The following NFKB1 variants were observed in gnomAD, a reference collection of about 807,000 sequenced individuals.
NFKB1 encodes nuclear factor kappa B subunit 1.
In NFKB1, 9 loss-of-function variants were observed where a neutral mutation model predicts 105.1. The ratio of observed to expected loss-of-function variants is 0.09; its 90% CI spans 0.05 to 0.15. NFKB1 has a LOEUF of 0.15. Among genes scored for constraint, NFKB1 ranks in the 10% least tolerant of loss-of-function variants. NFKB1 has a pLI of 1.00. For synonymous variants in NFKB1, 440 were observed against 442.2 expected, an observed-to-expected ratio of 1.00 and a Z score of 0.06; for missense variants, 830 against 1,203.7, an observed-to-expected ratio of 0.69 and a Z score of 4.59.
At chr4:102,587,395 T>C (rs1016039253) in intron 11 of NFKB1, among the ~76,000 whole-genome samples, 2 of 152,062 alleles carry the variant, frequency 1.3e-5, no homozygotes, top group African/African-American at 4.8e-5. Flanking sequence ...CAGAGAATCA[T>C]GAAGAAAGAA....
intron 1 of NFKB1, among the ~76,000 whole-genome samples, chr4:102,513,900 G>A (rs1030011539): frequency 8.5e-5 from 13 of 152,148 alleles, no homozygotes; most frequent in African/African-American, 2.9e-4. Context: ...TGGGCCGGGC[G>A]CGGTGGCTCA....
chr4:102,599,287 T>C (rs1457963299), intron 15 of NFKB1, among the ~76,000 whole-genome samples: 1 of 152,168 alleles, frequency 6.6e-6, no homozygotes, highest in Non-Finnish European at 1.5e-5. Context: ...GTATCACATT[T>C]CAAGAAGCAA....
chr4:102,525,445 A>G (rs779148585), intron 1 of NFKB1, 67 bp from the exon 2 acceptor site: 14 of 1,474,130 alleles, frequency 9.5e-6, no homozygotes, highest in Non-Finnish European at 1.2e-5. Flanking sequence ...CATGAATTCC[A>G]TGGTGATAGA....
chr4:102,573,397 A>G (rs1016968600), intron 6 of NFKB1, among the ~76,000 whole-genome samples: 6 of 152,208 alleles, frequency 3.9e-5, no homozygotes, highest in Non-Finnish European at 8.8e-5. Context: ...CTTGTTTCCA[A>G]GAAGTCACCT....
At chr4:102,603,795 G>T (rs552185869) in intron 16 of NFKB1, among the ~76,000 whole-genome samples, 2 of 152,156 alleles carry the variant, frequency 1.3e-5, no homozygotes, top group Non-Finnish European at 2.9e-5. Flanking sequence ...GTACATTTCT[G>T]TGACCATCTG....
At chr4:102,579,087 GC>G (rs777077883) in intron 8 of NFKB1, 48 bp downstream of exon 8, 345 of 1,570,220 alleles carry the variant, frequency 2.2e-4, no homozygotes, top group Non-Finnish European at 2.8e-4. Context: ...TAGACTTCCA[GC>G]CCTGCCCTGC....
intron 6 of NFKB1, among the ~76,000 whole-genome samples, chr4:102,572,767 T>C (rs1724490199): frequency 6.6e-6 from 1 of 152,240 alleles, no homozygotes. Flanking sequence ...AACAGTCACT[T>C]ATCTTTTAAA....
chr4:102,541,444 G>A (rs1300922259), intron 5 of NFKB1, among the ~76,000 whole-genome samples: 21 of 152,204 alleles, frequency 1.4e-4, no homozygotes, highest in Admixed American at 1.4e-3. Flanking sequence ...CAGAGTTAGT[G>A]TACCTGGATA....
intron 6 of NFKB1, among the ~76,000 whole-genome samples, chr4:102,570,988 A>G (rs528097211): frequency 6.6e-6 from 1 of 152,302 alleles, no homozygotes; most frequent in Admixed American, 6.5e-5. Flanking sequence ...AACTACTTTC[A>G]AGTTCATATG....
At chr4:102,595,007 C>G (rs1369843490) in intron 13 of NFKB1, 26 bp downstream of exon 13, 1 of 1,466,820 alleles carries the variant, frequency 6.8e-7, no homozygotes, top group Admixed American at 1.7e-5. Flanking sequence ...TTCTTAATAC[C>G]AAGAAAGGAA....
In NFKB1 at chr4:102,596,344, C is replaced by A; in HGVS notation, c.1495+12C>A. 6.3e-7 allele frequency: 1 copy of A among 1,585,474 alleles called. No homozygotes were observed. On this transcript the variant is annotated intron_variant, in intron 14 of 23. Transcript: ENST00000226574. ...TGCTGGAGTTCAGGGTAAGTGAGCA[C>A]ACAAATTACGTTCTGTTGGTTGGCT...
chr4:102,535,671 C>T (rs143629087), intron 4 of NFKB1, among the ~76,000 whole-genome samples: 8 of 152,178 alleles, frequency 5.3e-5, no homozygotes, highest in East Asian at 1.9e-4. Flanking sequence ...ATGCATTTGA[C>T]GACATCTTCC....
chr4:102,551,369 C>CGCAT (rs1421197641), intron 5 of NFKB1, among the ~76,000 whole-genome samples: 2 of 85,586 alleles, frequency 2.3e-5, no homozygotes, highest in African/African-American at 1.5e-4. Flanking sequence ...TGTGTGTGTG[C>CGCAT]GCGCGCGCAT....
intron 6 of NFKB1, among the ~76,000 whole-genome samples, chr4:102,573,750 T>G (rs1164776421): frequency 2.6e-5 from 4 of 152,148 alleles, no homozygotes; most frequent in African/African-American, 9.6e-5. Flanking sequence ...CTCTTTCATT[T>G]TGGAAAGTTT....
At position 102,578,975 on chromosome 4, in the gene NFKB1, G is replaced by T. The variant is rs758872166; in HGVS notation, c.666G>T (p.Pro222=). Residue 222 remains proline, a synonymous_variant, in exon 8 of 24, where the codon CCG becomes CCT. Coordinates refer to ENST00000226574, the MANE Select transcript of NFKB1 (RefSeq NM_003998.4). ...GGCTCATGTTTACAGCTTTTCTTCC[G>T]GATAGCACTGGCAGCTTCACAAGGC... ...VVRLMFTAFL[P]DSTGSFTRRL... is the part of the protein sequence containing the mutation. 2 of 1,613,948 alleles carry T rather than the reference G, an allele frequency of 1.2e-6. No homozygotes were observed. The highest frequency in any genetic ancestry group is 1.7e-5 in the Admixed American group (1 of 59,992).
intron 5 of NFKB1, among the ~76,000 whole-genome samples, chr4:102,563,819 CTTTTT>C (rs34134600): frequency 8.0e-6 from 1 of 124,636 alleles, no homozygotes; most frequent in African/African-American, 3.1e-5. Context: ...AAGCTTAACT[CTTTTT>C]TTTTTTTTTT....
At chr4:102,532,069 G>C (rs1304439115) in intron 3 of NFKB1, among the ~76,000 whole-genome samples, 1 of 152,012 alleles carries the variant, frequency 6.6e-6, no homozygotes, top group Non-Finnish European at 1.5e-5. Flanking sequence ...CTAGCCATTT[G>C]GTGGGGGAAT....
chr4:102,590,861 T>C (rs1726110795), intron 11 of NFKB1, among the ~76,000 whole-genome samples: 1 of 152,204 alleles, frequency 6.6e-6, no homozygotes, highest in Non-Finnish European at 1.5e-5. Context: ...TGTCAAAAGC[T>C]GAGATAAGCC....
At chr4:102,555,863 TATC>T (rs1180069321) in intron 5 of NFKB1, among the ~76,000 whole-genome samples, 1 of 152,178 alleles carries the variant, frequency 6.6e-6, no homozygotes, top group Non-Finnish European at 1.5e-5. Flanking sequence ...AATGAGAAAT[TATC>T]AGCAGCATTG....
Sources: gnomAD v4.1 joint callset for allele counts (sites outside exome capture counted in the v4.1 genomes callset) on GRCh38, gnomAD v4.1.1 for gene constraint, MANE v1.5 for transcripts, NCBI Gene and HGNC (gene_info 2026-07-23, HGNC 2026-07-21) for gene names.